The following PKP4 variants were observed in gnomAD, a reference collection of about 807,000 sequenced individuals.
PKP4 encodes the protein plakophilin 4.
PKP4 carries 90 observed loss-of-function variants against 145.1 expected under a neutral mutation model. The observed-to-expected ratio is 0.62, with a 90% CI of 0.52 to 0.74. The LOEUF is 0.74. Ranked by LOEUF, PKP4 falls within the 30% of genes least tolerant of loss-of-function variation. The pLI, the probability that PKP4 is intolerant of heterozygous loss-of-function variation, is 0.00. For synonymous variants in PKP4, 563 were observed against 577.2 expected (o/e 0.98, Z 0.35); for missense variants, 1,340 against 1,482.7 (o/e 0.90, Z 1.58).
intron 1 of PKP4, among the ~76,000 whole-genome samples, chr2:158,530,163 A>C (rs1280123980): frequency 6.6e-6 from 1 of 152,220 alleles, no homozygotes; most frequent in African/African-American, 2.4e-5. Flanking sequence ...AGGCCAGCTT[A>C]ACATGACTTT....
At chr2:158,590,067 G>A (rs780411352) in intron 3 of PKP4, among the ~76,000 whole-genome samples, 1 of 152,030 alleles carries the variant, frequency 6.6e-6, no homozygotes, top group Non-Finnish European at 1.5e-5. Flanking sequence ...CTTCCCTGAG[G>A]CTTCACAATG....
At chr2:158,494,277 G>A (rs1486035405) in intron 1 of PKP4, among the ~76,000 whole-genome samples, 1 of 151,636 alleles carries the variant, frequency 6.6e-6, no homozygotes, top group Non-Finnish European at 1.5e-5. Flanking sequence ...GGGAAAATGG[G>A]TTCTGTATAA....
At chr2:158,487,276 G>A (rs569176643) in intron 1 of PKP4, among the ~76,000 whole-genome samples, 2 of 152,278 alleles carry the variant, frequency 1.3e-5, no homozygotes, top group South Asian at 4.1e-4. Flanking sequence ...TTAAAAAAAA[G>A]CACATTTGTA....
intron 8 of PKP4, 26 bp from the exon 9 acceptor site, chr2:158,634,044 T>C (rs1249792839): frequency 7.6e-7 from 1 of 1,313,746 alleles, no homozygotes; most frequent in African/African-American, 1.4e-5. Flanking sequence ...AACATACTAA[T>C]CTTTTTCAAA....
intron 11 of PKP4, among the ~76,000 whole-genome samples, chr2:158,644,739 G>C (rs556591026): frequency 6.6e-6 from 1 of 152,250 alleles, no homozygotes; most frequent in Admixed American, 6.5e-5. Flanking sequence ...TTCAGGATAG[G>C]GGTTACCTCT....
intron 3 of PKP4, among the ~76,000 whole-genome samples, chr2:158,594,874 G>A (rs1035462649): frequency 9.9e-5 from 15 of 152,162 alleles, no homozygotes; most frequent in African/African-American, 3.4e-4. Context: ...TAGTGAATGT[G>A]GTGGTGGAGA....
chr2:158,642,400 C>A, intron 10 of PKP4, 86 bp from the exon 11 acceptor site: 1 of 968,864 alleles, frequency 1.0e-6, no homozygotes, highest in Non-Finnish European at 1.6e-6. Flanking sequence ...TATCCACATC[C>A]TGTGATCTCT....
chr2:158,610,694 A>C (rs943740266), intron 4 of PKP4, among the ~76,000 whole-genome samples: 10 of 152,288 alleles, frequency 6.6e-5, no homozygotes, highest in African/African-American at 2.2e-4. Flanking sequence ...TTTTGCTGCA[A>C]GTCACAATAT....
intron 3 of PKP4, among the ~76,000 whole-genome samples, chr2:158,602,685 G>T (rs2050326385): frequency 6.6e-6 from 1 of 152,068 alleles, no homozygotes; most frequent in Admixed American, 6.5e-5. Flanking sequence ...TGCTGCTTTT[G>T]AAAATACATA....
At chr2:158,592,783 A>T (rs1024763095) in intron 3 of PKP4, among the ~76,000 whole-genome samples, 2 of 152,112 alleles carry the variant, frequency 1.3e-5, no homozygotes, top group African/African-American at 4.8e-5. Flanking sequence ...TTTTAAGTAA[A>T]TTTTTACATA....
chr2:158,560,682 A>C (rs898732657), intron 2 of PKP4, among the ~76,000 whole-genome samples: 1 of 152,148 alleles, frequency 6.6e-6, no homozygotes, highest in Non-Finnish European at 1.5e-5. Context: ...AAAAAATAAA[A>C]ATTTATATTT....
At chr2:158,599,512 G>C (rs953765434) in intron 3 of PKP4, among the ~76,000 whole-genome samples, 1 of 152,142 alleles carries the variant, frequency 6.6e-6, no homozygotes, top group Non-Finnish European at 1.5e-5. Flanking sequence ...ATTTCAATAC[G>C]TTGAATCTGA....
intron 2 of PKP4, among the ~76,000 whole-genome samples, chr2:158,551,250 C>T (rs2045595264): frequency 6.6e-6 from 1 of 152,166 alleles, no homozygotes; most frequent in Non-Finnish European, 1.5e-5. Context: ...AAGCTCTAGA[C>T]AGAAAACCCC....
chr2:158,463,727 C>T (rs928475762), intron 1 of PKP4, among the ~76,000 whole-genome samples: 10 of 152,208 alleles, frequency 6.6e-5, no homozygotes, highest in Non-Finnish European at 1.3e-4. Flanking sequence ...ATTTTTTCCT[C>T]AGCAAGAATA....
At chr2:158,600,441 A>T (rs1363287419) in intron 3 of PKP4, among the ~76,000 whole-genome samples, 2 of 152,250 alleles carry the variant, frequency 1.3e-5, no homozygotes, top group Non-Finnish European at 2.9e-5. Flanking sequence ...ATTCAATAAA[A>T]GTTGAGGAAG....
Position 158,621,420 on chromosome 2 carries a change from AG to A in PKP4, c.603+1del, listed in dbSNP as rs762598701. 7 of 1,613,440 alleles carry A rather than the reference AG, an allele frequency of 4.3e-6. No individual in the cohort carries two copies. The Admixed American group carries it at 1.2e-4, about 27-fold the overall frequency. On this transcript the variant is annotated frameshift_variant and splice_region_variant, in exon 6 of 22. Transcript: ENST00000389759. LOFTEE classifies it high-confidence loss of function. ...NSRAEGQTLVQPSVANRAMRR... is the reference protein window; with the variant it reads ...NSRAEGQTLVXPSVANRAMRR... ...AGAGCTGAAGGACAAACACTGGTTCAGGTAAGCCAAACGCATCAAGATCTCT... is the reference window on the plus strand; with the variant it reads ...AGAGCTGAAGGACAAACACTGGTTCAGTAAGCCAAACGCATCAAGATCTCT...
chr2:158,603,123 A>G lies in PKP4; in HGVS notation c.280+19A>G, dbSNP rs1418284214. Reference sequence around the variant, plus strand: ...TCAACAGGTATGTTTTTTATTATATAAAAGTTATGTTTGATAAACACAAAT... The same window carrying G: ...TCAACAGGTATGTTTTTTATTATATGAAAGTTATGTTTGATAAACACAAAT... On this transcript the variant is annotated intron_variant, in intron 4 of 21. Coordinates refer to ENST00000389759, the MANE Select transcript of PKP4 (RefSeq NM_003628.6). 2 of 1,383,654 alleles carry G rather than the reference A, an allele frequency of 1.4e-6. No homozygotes were observed. Among genetic ancestry groups the G allele is most frequent in the Non-Finnish European group, 2.0e-6 (2 of 1,005,984 alleles). The allele number at this position is 1,383,654 out of a possible 1,614,324, so 85.7% of individuals were successfully genotyped here.
At chr2:158,492,337 T>A (rs1695060453) in intron 1 of PKP4, among the ~76,000 whole-genome samples, 1 of 152,166 alleles carries the variant, frequency 6.6e-6, no homozygotes, top group African/African-American at 2.4e-5. Flanking sequence ...AAAAGCAAGT[T>A]ATGCGAAGTT....
chr2:158,517,438 C>T (rs1454064789), intron 1 of PKP4, among the ~76,000 whole-genome samples: 1 of 152,132 alleles, frequency 6.6e-6, no homozygotes, highest in Non-Finnish European at 1.5e-5. Flanking sequence ...CTTATTTCCT[C>T]ATTTATCTCA....
Sources: allele counts gnomAD v4.1 joint callset (sites outside exome capture counted in the v4.1 genomes callset), GRCh38; gene constraint gnomAD v4.1.1; transcripts MANE v1.5; gene names NCBI Gene and HGNC (gene_info 2026-07-23, HGNC 2026-07-21).